The following MEF2B variants were observed in gnomAD, a reference collection of about 807,000 sequenced individuals.
MEF2B encodes myocyte-specific enhancer factor 2B.
Under a neutral mutation model 32.2 loss-of-function variants are expected in MEF2B, and 15 were observed. The ratio of observed to expected loss-of-function variants is 0.47; its 90% CI spans 0.31 to 0.72. The LOEUF is 0.72. MEF2B is among the 30% of genes least tolerant of loss of function. The pLI is 0.05. For synonymous variants in MEF2B, 205 were observed against 225.6 expected, an observed-to-expected ratio of 0.91 and a Z score of 0.82; for missense variants, 441 against 511.5, an observed-to-expected ratio of 0.86 and a Z score of 1.33.
At chr19:19,165,550 A>G (rs7249142) in intron 1 of MEF2B, among the ~76,000 whole-genome samples, 99,151 of 151,934 alleles carry the variant, frequency 0.65, 32,999 homozygotes, top group African/African-American at 0.77. Flanking sequence ...CAAACCCCAC[A>G]CATCTGGGGT....
chr19:19,151,835 A>G (rs2060082995), intron 1 of MEF2B, among the ~76,000 whole-genome samples: 1 of 152,030 alleles, frequency 6.6e-6, no homozygotes, highest in Non-Finnish European at 1.5e-5. Flanking sequence ...CAAGAAATCC[A>G]GATCAGGCCG....
At chr19:19,163,205 G>A (rs2060179865) in intron 1 of MEF2B, among the ~76,000 whole-genome samples, 1 of 152,062 alleles carries the variant, frequency 6.6e-6, no homozygotes, top group African/African-American at 2.4e-5. Context: ...ACCCGGGCTG[G>A]AGTGCAGTGG....
intron 1 of MEF2B, among the ~76,000 whole-genome samples, chr19:19,165,099 CAG>C (rs2060196341): frequency 6.6e-6 from 1 of 152,146 alleles, no homozygotes; most frequent in Non-Finnish European, 1.5e-5. Context: ...TATCTTCCCG[CAG>C]AAATGTCTAG....
intron 4 of MEF2B, 49 bp downstream of exon 4, chr19:19,147,649 C>T: frequency 6.3e-7 from 1 of 1,597,150 alleles, no homozygotes; most frequent in Non-Finnish European, 8.5e-7. Flanking sequence ...CGACTTGGGC[C>T]TAGGAAGTAG....
chr19:19,149,256 G>A lies in MEF2B; in HGVS notation c.228C>T (p.His76=), dbSNP rs762130182. The part of the protein sequence containing the change: ...LLKYTEYSEP[H]ESRTNTDILE... ...GGATGTCAGTGTTGGTGCGGCTCTC[G>A]TGGGGCTCGCTGTACTCTGTGTACT... The change falls in exon 3 of 9, where the codon CAC becomes CAT. Residue 76 remains histidine, a synonymous_variant. Coordinates refer to ENST00000424583, the MANE Select transcript of MEF2B (RefSeq NM_001145785.2). 11 of 1,613,988 alleles carry A rather than the reference G, an allele frequency of 6.8e-6. No homozygotes were observed. Among genetic ancestry groups the A allele is most frequent in the Admixed American group, 6.7e-5 (4 of 59,986 alleles).
chr19:19,145,950 G>A lies in MEF2B; in HGVS notation c.954C>T (p.Ile318=), dbSNP rs1286680481. The part of the protein sequence containing the change: ...GASPPTPPVS[I]KSERLSPAPG... Reference sequence around the variant, plus strand: ...GGGCCGGAGAGAGGCGCTCAGACTTGATGCTGACTGGGGGGGTCGGCGGGG... The same window carrying A: ...GGGCCGGAGAGAGGCGCTCAGACTTAATGCTGACTGGGGGGGTCGGCGGGG... The change falls in exon 9 of 9, where the codon ATC becomes ATT. Residue 318 remains isoleucine (I), a synonymous_variant. Coordinates refer to ENST00000424583, the MANE Select transcript of MEF2B (RefSeq NM_001145785.2). The surrounding 1 kb of genome is among the most constrained non-coding windows in gnomAD (Gnocchi z 4.6). 1 of 1,446,098 alleles carries A rather than the reference G, an allele frequency of 6.9e-7. No individual in the cohort carries two copies. The highest frequency in any genetic ancestry group is 1.5e-5 in the African/African-American group (1 of 68,330). The allele number at this position is 1,446,098 out of a possible 1,614,324, so 89.6% of individuals were successfully genotyped here.
chr19:19,164,368 C>T (rs990209720), intron 1 of MEF2B, among the ~76,000 whole-genome samples: 1 of 152,222 alleles, frequency 6.6e-6, no homozygotes, highest in Non-Finnish European at 1.5e-5. Context: ...ACAACCTTCA[C>T]AGCAAAACAG....
chr19:19,154,874 G>A (rs939668560), intron 1 of MEF2B, among the ~76,000 whole-genome samples: 3 of 152,222 alleles, frequency 2.0e-5, no homozygotes, highest in South Asian at 4.1e-4. Context: ...GGCTGTGTCC[G>A]TCTTGACAGA....
At chr19:19,151,127 T>C (rs1322865195) in intron 1 of MEF2B, among the ~76,000 whole-genome samples, 1 of 152,070 alleles carries the variant, frequency 6.6e-6, no homozygotes, top group Non-Finnish European at 1.5e-5. Flanking sequence ...GTGGCACACG[T>C]CTATAGTCCC....
intron 1 of MEF2B, among the ~76,000 whole-genome samples, chr19:19,164,804 G>A (rs1044409980): frequency 1.3e-5 from 2 of 152,178 alleles, no homozygotes; most frequent in Admixed American, 1.3e-4. Flanking sequence ...TGACCCTGCT[G>A]TCCCATGCAG....
intron 1 of MEF2B, among the ~76,000 whole-genome samples, chr19:19,166,672 T>A (rs141909439): frequency 4.7e-5 from 7 of 150,328 alleles, no homozygotes; most frequent in African/African-American, 1.7e-4. Context: ...GGTGACAGGA[T>A]GGCTTGAGCC....
chr19:19,145,631 G>C lies in MEF2B; in HGVS notation c.*166C>G. 6.8e-7 allele frequency: 1 copy of C among 1,465,942 alleles called. No individual in the cohort carries two copies. The highest frequency in any genetic ancestry group is 1.4e-5 in the African/African-American group (1 of 69,724). The allele number at this position is 1,465,942 out of a possible 1,614,324, so 90.8% of individuals were successfully genotyped here. A position where few individuals can be genotyped will look rare whatever the true frequency, so the allele number is the denominator to read the frequency against. On this transcript the variant is annotated 3_prime_UTR_variant, in exon 9 of 9. Transcript: ENST00000424583. The surrounding 1 kb of genome is among the most constrained non-coding windows in gnomAD (Gnocchi z 4.6). ...TACACACAAATAGGAAGAAGGAAAG[G>C]AGCCCCCCAGGGTGGATTGAGTCCA...
intron 3 of MEF2B, among the ~76,000 whole-genome samples, chr19:19,149,007 C>T (rs553942495): frequency 1.2e-4 from 18 of 151,900 alleles, no homozygotes; most frequent in Admixed American, 9.2e-4. Flanking sequence ...CCACCGTGCC[C>T]TGCCCGATGT....
rs768022242 is a variant in MEF2B at position 19,146,562 on chromosome 19, G to A, written c.762C>T (p.Gly254=). ...GCAGGTTAGGGGATGTACCTGGGGGGCCTCCGGGGAGGAAGGGGAAGCTCC... is the reference window on the plus strand; with the variant it reads ...GCAGGTTAGGGGATGTACCTGGGGGACCTCCGGGGAGGAAGGGGAAGCTCC... ...PLGSFPFLPG[G]PPEYGLGDPP... Residue 254 remains glycine (G), a synonymous_variant, in exon 7 of 9, where the codon GGC becomes GGT. Coordinates refer to ENST00000424583, the MANE Select transcript of MEF2B (RefSeq NM_001145785.2). 1.9e-6 allele frequency: 3 copies of A among 1,566,222 alleles called. No homozygotes were observed. The highest frequency in any genetic ancestry group is 2.6e-6 in the Non-Finnish European group (3 of 1,158,690).
intron 8 of MEF2B, 97 bp downstream of exon 8, chr19:19,146,176 T>C (rs2146349278): frequency 1.2e-6 from 1 of 849,724 alleles, no homozygotes; most frequent in Non-Finnish European, 1.7e-6. Flanking sequence ...TGCCCATCCG[T>C]ACCGGAAGTG....
intron 2 of MEF2B, 21 bp downstream of exon 2, chr19:19,150,659 ACT>A (rs1280341579): frequency 4.3e-6 from 7 of 1,613,862 alleles, no homozygotes; most frequent in Non-Finnish European, 5.1e-6. Flanking sequence ...TTTCCCAGCC[ACT>A]GTTCCACCCA....
chr19:19,156,187 C>T (rs2060119117), intron 1 of MEF2B, among the ~76,000 whole-genome samples: 1 of 152,012 alleles, frequency 6.6e-6, no homozygotes, highest in South Asian at 2.1e-4. Context: ...CCAAGCTGAC[C>T]TCAGAAGAAG....
chr19:19,158,360 T>C (rs2060134071), intron 1 of MEF2B, among the ~76,000 whole-genome samples: 1 of 139,184 alleles, frequency 7.2e-6, no homozygotes, highest in Admixed American at 7.4e-5. Context: ...GTGCTGGGAT[T>C]ACAGGCGTGA....
intron 1 of MEF2B, among the ~76,000 whole-genome samples, chr19:19,155,142 C>T (rs986684137): frequency 1.6e-4 from 25 of 152,214 alleles, no homozygotes; most frequent in African/African-American, 6.0e-4. Flanking sequence ...CCCTCCTGCT[C>T]ATACACTCTC....
Sources: gnomAD v4.1 joint callset for allele counts (sites outside exome capture counted in the v4.1 genomes callset) on GRCh38, gnomAD v4.1.1 for gene constraint, Gnocchi (gnomAD v3.1) non-coding constraint, MANE v1.5 for transcripts, NCBI Gene and HGNC (gene_info 2026-07-23, HGNC 2026-07-21) for gene names.